ATP2C2: variants seen among roughly 807,000 people sequenced by gnomAD.
ATP2C2 encodes the protein calcium-transporting ATPase type 2C member 2.
In ATP2C2, 171 loss-of-function variants were observed where a neutral mutation model predicts 110.8. The observed-to-expected ratio is 1.54, with a 90% CI of 1.36 to 1.75. ATP2C2 has a LOEUF of 1.75. ATP2C2 is among the 40% of genes most tolerant of loss of function. The pLI, the probability that ATP2C2 is intolerant of heterozygous loss-of-function variation, is 0.00. For missense variants in ATP2C2, 1,963 were observed against 1,235.0 expected (o/e 1.59, Z -8.84); for synonymous variants, 804 against 508.4 (o/e 1.58, Z -7.82).
chr16:84,442,916 C>G (rs575428223), intron 15 of ATP2C2, among the ~76,000 whole-genome samples: 1 of 152,276 alleles, frequency 6.6e-6, no homozygotes, highest in African/African-American at 2.4e-5. Flanking sequence ...CCTATGCACC[C>G]AACACGACCC....
At chr16:84,414,664 A>G (rs986242269) in intron 6 of ATP2C2, among the ~76,000 whole-genome samples, 2 of 152,124 alleles carry the variant, frequency 1.3e-5, no homozygotes, top group Non-Finnish European at 2.9e-5. Context: ...CCTCAACAAG[A>G]TCAAATTCCA....
At chr16:84,372,611 G>A (rs1910020724) in intron 1 of ATP2C2, among the ~76,000 whole-genome samples, 1 of 151,668 alleles carries the variant, frequency 6.6e-6, no homozygotes, top group African/African-American at 2.4e-5. Context: ...TTTTAGTAGA[G>A]ATGGGGGTTT....
chr16:84,429,672 G>C (rs1029250286), intron 11 of ATP2C2, among the ~76,000 whole-genome samples: 7 of 152,180 alleles, frequency 4.6e-5, no homozygotes, highest in African/African-American at 1.4e-4. Flanking sequence ...GAGGAAGAGA[G>C]CTGGGAAGAG....
chr16:84,429,937 G>C (rs1353905652), intron 11 of ATP2C2, among the ~76,000 whole-genome samples: 1 of 152,156 alleles, frequency 6.6e-6, no homozygotes, highest in African/African-American at 2.4e-5. Flanking sequence ...CTCAGCTTCT[G>C]GTGTCACAGG....
intron 1 of ATP2C2, among the ~76,000 whole-genome samples, chr16:84,373,208 A>C (rs1471202211): frequency 6.6e-6 from 1 of 152,156 alleles, no homozygotes; most frequent in Non-Finnish European, 1.5e-5. Flanking sequence ...TGTCTATTAA[A>C]ACTCAATCAG....
At chr16:84,463,466 A>G in intron 26 of ATP2C2, 148 bp from the exon 27 acceptor site, 3 of 672,078 alleles carry the variant, frequency 4.5e-6, no homozygotes, top group Non-Finnish European at 7.8e-6. Flanking sequence ...ATTCTGGGTT[A>G]GGAAGATCTC....
At chr16:84,449,976 G>A (rs540604404) in intron 17 of ATP2C2, among the ~76,000 whole-genome samples, 46 of 152,356 alleles carry the variant, frequency 3.0e-4, no homozygotes, top group Non-Finnish European at 4.7e-4. Context: ...TCCCCACCGG[G>A]CAGAGGAGCC....
At chr16:84,445,850 T>A (rs1028462252) in intron 15 of ATP2C2, among the ~76,000 whole-genome samples, 3 of 152,218 alleles carry the variant, frequency 2.0e-5, no homozygotes, top group Non-Finnish European at 4.4e-5. Context: ...CATGACTGGT[T>A]TACACCTGGG....
chr16:84,409,977 G>C (rs892599429), intron 4 of ATP2C2, among the ~76,000 whole-genome samples: 1 of 152,064 alleles, frequency 6.6e-6, no homozygotes, highest in Admixed American at 6.5e-5. Context: ...TGGGAGGCCT[G>C]GGGGGTGGAT....
intron 6 of ATP2C2, among the ~76,000 whole-genome samples, chr16:84,412,380 GTGTA>G (rs1329417411): frequency 1.0e-4 from 11 of 108,848 alleles, no homozygotes; most frequent in African/African-American, 1.6e-4. Flanking sequence ...GTGTGCGTGT[GTGTA>G]TATGTGTCTG....
chr16:84,415,361 C>T, intron 6 of ATP2C2, 122 bp from the exon 7 acceptor site: 1 of 795,688 alleles, frequency 1.3e-6, no homozygotes, highest in Non-Finnish European at 2.2e-6. Flanking sequence ...ACCCCAAAGG[C>T]ACAGGGTTGG....
chr16:84,429,747 G>C (rs541481705), intron 11 of ATP2C2, among the ~76,000 whole-genome samples: 4 of 152,252 alleles, frequency 2.6e-5, no homozygotes, highest in South Asian at 4.1e-4. Context: ...CTGATGTGAT[G>C]AGGCCTTGGA....
At chr16:84,432,790 G>T (rs1216639790) in intron 11 of ATP2C2, among the ~76,000 whole-genome samples, 1 of 152,020 alleles carries the variant, frequency 6.6e-6, no homozygotes, top group Non-Finnish European at 1.5e-5. Context: ...CAAAGTGCTG[G>T]GATTACAGGT....
chr16:84,385,292 C>G (rs143170822), intron 1 of ATP2C2, among the ~76,000 whole-genome samples: 1 of 152,076 alleles, frequency 6.6e-6, no homozygotes, highest in African/African-American at 2.4e-5. Context: ...CGAGATCTCA[C>G]GAGAACTCAC....
chr16:84,401,292 C>G (rs1905305693), intron 2 of ATP2C2, among the ~76,000 whole-genome samples: 1 of 144,946 alleles, frequency 6.9e-6, no homozygotes, highest in East Asian at 2.0e-4. Context: ...GGCGCTATCT[C>G]AGCTCACTGC....
At chr16:84,462,494 T>A in intron 26 of ATP2C2, 1 of 196,526 alleles carries the variant, frequency 5.1e-6, no homozygotes, top group Non-Finnish European at 1.0e-5. Context: ...GACTTGACCC[T>A]GGGGCCAGTA....
chr16:84,430,595 A>C (rs1447964124), intron 11 of ATP2C2, among the ~76,000 whole-genome samples: 4 of 150,624 alleles, frequency 2.7e-5, no homozygotes, highest in Non-Finnish European at 5.9e-5. Flanking sequence ...AGCTGAGATC[A>C]CACTACTGCC....
chr16:84,373,781 T>C (rs1289983519), intron 1 of ATP2C2, among the ~76,000 whole-genome samples: 3 of 152,238 alleles, frequency 2.0e-5, no homozygotes, highest in Non-Finnish European at 4.4e-5. Flanking sequence ...ACATGTCATC[T>C]GCTCACTACT....
intron 7 of ATP2C2, among the ~76,000 whole-genome samples, chr16:84,416,986 G>A (rs999746802): frequency 1.3e-5 from 2 of 152,180 alleles, no homozygotes; most frequent in African/African-American, 4.8e-5. Context: ...CCGCCACAAG[G>A]GCTGGTGCAG....
Sources: allele counts gnomAD v4.1 joint callset (sites outside exome capture counted in the v4.1 genomes callset), GRCh38; gene constraint gnomAD v4.1.1; transcripts MANE v1.5; gene names NCBI Gene and HGNC (gene_info 2026-07-23, HGNC 2026-07-21).